CLSTN1: variants seen among roughly 807,000 people sequenced by gnomAD.
The protein encoded by CLSTN1 is calsyntenin 1.
Under a neutral mutation model 108.3 loss-of-function variants are expected in CLSTN1, and 28 were observed. That is an observed-to-expected ratio of 0.26 (90% CI 0.19 to 0.35). The LOEUF (loss-of-function observed/expected upper bound fraction) is 0.35. Ranked by LOEUF, CLSTN1 falls within the 10% of genes least tolerant of loss-of-function variation. The pLI is 1.00. For missense variants in CLSTN1, 1,157 were observed against 1,302.6 expected (o/e 0.89, Z 1.72); for synonymous variants, 524 against 534.9 (o/e 0.98, Z 0.28).
rs202050988 is a variant in CLSTN1, at chr1:9,733,509, G to A, written c.2319C>T (p.His773=). ...DTMASYEEVL[H]LLRYRNWHAR... is the part of the protein sequence containing the mutation. ...CATGCCAGTTCCGATAGCGCAGCAG[G>A]TGCAAAACCTCCTCGTAGCTGGCCA... Residue 773 remains histidine (H), a synonymous_variant, in exon 16 of 19, where the codon CAC becomes CAT. Coordinates refer to ENST00000377298, the MANE Select transcript of CLSTN1 (RefSeq NM_001009566.3). The A allele has an allele frequency of 1.9e-6, 3 of 1,614,152 alleles. No homozygotes were observed. Among genetic ancestry groups the A allele is most frequent in the East Asian group, 4.5e-5 (2 of 44,878 alleles).
Position 9,735,495 on chromosome 1 carries a change from G to A in CLSTN1, c.1855C>T (p.Arg619Cys). 6 of 1,614,156 alleles carry A rather than the reference G, an allele frequency of 3.7e-6. No homozygotes were observed. The highest frequency in any genetic ancestry group is 4.2e-6 in the Non-Finnish European group (5 of 1,180,028). The change falls in exon 13 of 19, where the codon CGC becomes TGC. Residue 619 changes from arginine (R) to cysteine (C), a missense_variant. Transcript: ENST00000377298. ...ATTGTGCTGGTGATTTTGAGTCTGC[G>A]AATTCCGGGCGTGGGGAACTGCCGG... ...NSRQFPTPGIRRLKITSTIKC... is the reference protein window; with the variant it reads ...NSRQFPTPGICRLKITSTIKC...
chr1:9,772,046 G>A (rs866199148), intron 2 of CLSTN1, among the ~76,000 whole-genome samples: 5 of 148,100 alleles, frequency 3.4e-5, no homozygotes, highest in Non-Finnish European at 5.9e-5. Context: ...GCGCGATCTC[G>A]GCTCACTGCA....
In CLSTN1 at chr1:9,823,432, C is replaced by T. The variant is rs540125844; in HGVS notation, c.91+211G>A. 7.9e-5 allele frequency among the ~76,000 whole-genome samples: 12 copies of T among 152,232 alleles called. No homozygotes were observed. In the South Asian group the frequency reaches 2.5e-3, roughly 32 times the overall value. ...GCGCCCACAGTCTCCTGCGCCCTGG[C>T]CCCGGCTCCGCGAGCCCGACCCCCA... On this transcript the variant is annotated intron_variant, in intron 1 of 18. Coordinates refer to ENST00000377298, the MANE Select transcript of CLSTN1 (RefSeq NM_001009566.3). The surrounding 1 kb of genome is among the most constrained non-coding windows in gnomAD (Gnocchi z 6.3).
Position 9,756,528 on chromosome 1 carries a change from A to G in CLSTN1, c.215-18T>C, listed in dbSNP as rs759102822. 6.2e-7 allele frequency: 1 copy of G among 1,610,010 alleles called. No homozygotes were observed. The highest frequency in any genetic ancestry group is 1.1e-5 in the South Asian group (1 of 90,954). On this transcript the variant is annotated intron_variant, in intron 2 of 18. Coordinates refer to ENST00000377298, the MANE Select transcript of CLSTN1 (RefSeq NM_001009566.3). ...AAAACTCTCTAAAGGGAGAAAAGATAAGCCCATGTCAGTAATACAGGAAAG... is the reference window on the plus strand; with the variant it reads ...AAAACTCTCTAAAGGGAGAAAAGATGAGCCCATGTCAGTAATACAGGAAAG...
At chr1:9,799,280 C>T (rs2101261276) in intron 1 of CLSTN1, among the ~76,000 whole-genome samples, 1 of 152,270 alleles carries the variant, frequency 6.6e-6, no homozygotes, top group African/African-American at 2.4e-5. Context: ...GAACCGGTGC[C>T]AGGGTAGGAA....
chr1:9,762,023 G>A (rs751579451), intron 2 of CLSTN1, among the ~76,000 whole-genome samples: 2 of 152,128 alleles, frequency 1.3e-5, no homozygotes, highest in African/African-American at 2.4e-5. Context: ...GACCCGAACC[G>A]CAACTATTCT....
chr1:9,731,389 G>A lies in CLSTN1; in HGVS notation c.2565C>T (p.Val855=), dbSNP rs548045526. 3.7e-5 allele frequency: 59 copies of A among 1,612,824 alleles called. No individual in the cohort carries two copies. The highest frequency in any genetic ancestry group is 4.7e-5 in the Non-Finnish European group (56 of 1,179,026). Residue 855 remains valine, a splice_region_variant and synonymous_variant, in exon 18 of 19, where the codon GTC becomes GTT. Coordinates refer to ENST00000377298, the MANE Select transcript of CLSTN1 (RefSeq NM_001009566.3). ...HNLANPHPFA[V]VPSTATVVIV... is the part of the protein sequence containing the mutation. ...TCACAACTGTCGCAGTGCTGGGGAC[G>A]ACTGTGGGAGAATGAGGGGGCGGGA...
intron 4 of CLSTN1, 120 bp downstream of exon 4, chr1:9,754,994 A>T: frequency 2.7e-6 from 2 of 731,666 alleles, no homozygotes; most frequent in Admixed American, 5.5e-5. Flanking sequence ...ACACTTGAGA[A>T]CTATCTTCTG....
rs1653340313 is a variant in CLSTN1 at position 9,783,443 on chromosome 1, G to T, written c.92-10049C>A. Among the ~76,000 whole-genome samples the T allele has an allele frequency of 2.0e-5, 3 of 152,184 alleles. No homozygotes were observed. In the South Asian group the frequency reaches 6.2e-4, roughly 32 times the overall value. On this transcript the variant is annotated intron_variant, in intron 1 of 18. Coordinates refer to ENST00000377298, the MANE Select transcript of CLSTN1 (RefSeq NM_001009566.3). ...AAAAATGTTTTAAAAAATTAGGCTG[G>T]ACACAGTGGCTCACGCCTGTAATCC...
At chr1:9,767,834 CTCACAAAAT>C (rs1652424079) in intron 2 of CLSTN1, among the ~76,000 whole-genome samples, 1 of 152,128 alleles carries the variant, frequency 6.6e-6, no homozygotes, top group South Asian at 2.1e-4. Flanking sequence ...AAAAATATTT[CTCACAAAAT>C]GTTAAGTGAA....
At chr1:9,747,176 C>CAAAAA (rs70998306) in intron 7 of CLSTN1, among the ~76,000 whole-genome samples, 6 of 32,744 alleles carry the variant, frequency 1.8e-4, no homozygotes, top group African/African-American at 4.9e-4. Flanking sequence ...GAGACTGTCT[C>CAAAAA]AAAAAAAAAA....
intron 1 of CLSTN1, among the ~76,000 whole-genome samples, chr1:9,788,558 A>C (rs1446297175): frequency 6.7e-6 from 1 of 149,710 alleles, no homozygotes; most frequent in African/African-American, 2.4e-5. Flanking sequence ...ACAGAGTGAG[A>C]CTGTTTCCAA....
chr1:9,813,585 C>G (rs1386185959), intron 1 of CLSTN1, among the ~76,000 whole-genome samples: 2 of 151,940 alleles, frequency 1.3e-5, no homozygotes, highest in East Asian at 3.8e-4. Flanking sequence ...TGCATTGGCC[C>G]CTTGGATTAT....
At position 9,730,386 on chromosome 1, in the gene CLSTN1, C is replaced by T. The variant is rs1018061123; in HGVS notation, c.*122G>A. ...ACACCAAGCACAGCGACGATCGTGG[C>T]GGGGAGGGGTCTGCACACCTACTGG... On this transcript the variant is annotated 3_prime_UTR_variant, in exon 19 of 19. Transcript: ENST00000377298. The surrounding 1 kb of genome is among the most constrained non-coding windows in gnomAD (Gnocchi z 5.6). 4.3e-5 allele frequency: 37 copies of T among 854,642 alleles called. No homozygotes were observed. Among genetic ancestry groups the T allele is most frequent in the Middle Eastern group, 7.0e-4 (2 of 2,864 alleles). 52.9% of individuals were successfully genotyped at this position (854,642 alleles called of 1,614,324 possible).
At chr1:9,794,072 C>T (rs180954791) in intron 1 of CLSTN1, among the ~76,000 whole-genome samples, 3 of 151,434 alleles carry the variant, frequency 2.0e-5, no homozygotes, top group East Asian at 2.0e-4. Flanking sequence ...TGCTAATGAC[C>T]GGTAATGACT....
At chr1:9,763,657 A>G (rs2101133676) in intron 2 of CLSTN1, among the ~76,000 whole-genome samples, 1 of 152,296 alleles carries the variant, frequency 6.6e-6, no homozygotes, top group Non-Finnish European at 1.5e-5. Flanking sequence ...ATCCAGACAT[A>G]GCATTGGAAA....
intron 1 of CLSTN1, among the ~76,000 whole-genome samples, chr1:9,801,079 T>C (rs112337741): frequency 0.17 from 25,769 of 150,882 alleles, 3,797 homozygotes; most frequent in African/African-American, 0.4. Context: ...AAACCCCAAC[T>C]CTACTAAAAA....
chr1:9,811,660 G>A (rs1187723135), intron 1 of CLSTN1, among the ~76,000 whole-genome samples: 7 of 149,266 alleles, frequency 4.7e-5, no homozygotes, highest in Admixed American at 4.1e-4. Flanking sequence ...AGGGCCTAAG[G>A]AGAAAATGAA....
chr1:9,777,088 C>A (rs1235084726), intron 1 of CLSTN1, among the ~76,000 whole-genome samples: 2 of 151,736 alleles, frequency 1.3e-5, no homozygotes, highest in East Asian at 1.9e-4. Flanking sequence ...GGTGTGGTGA[C>A]ACGCACCTGT....
Sources: gnomAD v4.1 joint callset for allele counts (sites outside exome capture counted in the v4.1 genomes callset) on GRCh38, gnomAD v4.1.1 for gene constraint, Gnocchi (gnomAD v3.1) non-coding constraint, MANE v1.5 for transcripts, NCBI Gene and HGNC (gene_info 2026-07-23, HGNC 2026-07-21) for gene names.